PTPRA: variants seen among roughly 807,000 people sequenced by gnomAD.
PTPRA encodes the protein protein tyrosine phosphatase receptor type A, also known as receptor-type tyrosine-protein phosphatase alpha.
In PTPRA, 25 loss-of-function variants were observed where a neutral mutation model predicts 104.8. That is an observed-to-expected ratio of 0.24 (90% CI 0.17 to 0.33). The LOEUF is 0.33. Among genes scored for constraint, PTPRA ranks in the 10% least tolerant of loss-of-function variants. PTPRA has a pLI of 1.00. For missense variants in PTPRA, 765 were observed against 1,015.3 expected, an observed-to-expected ratio of 0.75 and a Z score of 3.35; for synonymous variants, 323 against 368.9, an observed-to-expected ratio of 0.88 and a Z score of 1.43.
chr20:2,955,257 ATTG>A (rs2061495611), intron 3 of PTPRA, among the ~76,000 whole-genome samples: 1 of 152,130 alleles, frequency 6.6e-6, no homozygotes, highest in Non-Finnish European at 1.5e-5. Flanking sequence ...AAATTTTCAT[ATTG>A]TTCTTTGTGT....
intron 9 of PTPRA, among the ~76,000 whole-genome samples, chr20:2,995,597 T>C (rs2063366715): frequency 6.6e-6 from 1 of 152,224 alleles, no homozygotes; most frequent in Non-Finnish European, 1.5e-5. Flanking sequence ...TCCTCTCTTT[T>C]ATCATCATTT....
At chr20:2,926,935 C>T (rs1484953434) in intron 2 of PTPRA, among the ~76,000 whole-genome samples, 1 of 151,882 alleles carries the variant, frequency 6.6e-6, no homozygotes, top group African/African-American at 2.4e-5. Flanking sequence ...GGATTACAGG[C>T]ACCCGCCACC....
At chr20:3,015,937 G>C in intron 12 of PTPRA, 52 bp downstream of exon 12, 2 of 1,514,860 alleles carry the variant, frequency 1.3e-6, no homozygotes, top group Non-Finnish European at 1.8e-6. Flanking sequence ...TCACATAATG[G>C]GTTTGGTTTT....
chr20:2,929,465 T>G (rs2147483086), intron 2 of PTPRA, among the ~76,000 whole-genome samples: 1 of 152,316 alleles, frequency 6.6e-6, no homozygotes, highest in South Asian at 2.1e-4. Flanking sequence ...GTGTGGTCAT[T>G]AATGAGAGTG....
At chr20:3,017,772 T>C in intron 12 of PTPRA, 44 bp from the exon 13 acceptor site, 1 of 1,545,784 alleles carries the variant, frequency 6.5e-7, no homozygotes, top group Non-Finnish European at 8.9e-7. Context: ...AGCATCTTTC[T>C]TCTTGGTGTA....
chr20:3,016,234 C>T (rs1012821112), intron 12 of PTPRA, among the ~76,000 whole-genome samples: 2 of 152,152 alleles, frequency 1.3e-5, no homozygotes, highest in African/African-American at 4.8e-5. Context: ...AATCAGTTTC[C>T]AGAGAGGATC....
chr20:3,008,745 C>CAAAAAAAAAAAAAAAAAAAAAAA, intron 11 of PTPRA, among the ~76,000 whole-genome samples: 1 of 99,364 alleles, frequency 1.0e-5, no homozygotes, highest in Non-Finnish European at 2.0e-5. Context: ...AAAAAAAAAA[C>CAAAAAAAAAAAAAAAAAAAAAAA]AAAAAAAAAA....
intron 11 of PTPRA, among the ~76,000 whole-genome samples, chr20:3,014,946 T>G (rs2064361144): frequency 6.6e-6 from 1 of 152,210 alleles, no homozygotes; most frequent in African/African-American, 2.4e-5. Context: ...TGCGGCCAGT[T>G]GTTAGTTTTT....
chr20:2,945,011 A>G (rs140709736), intron 2 of PTPRA, among the ~76,000 whole-genome samples: 77 of 152,142 alleles, frequency 5.1e-4, no homozygotes, highest in Non-Finnish European at 1.0e-3. Context: ...ATTTCATTGT[A>G]TCCTTTATAC....
intron 3 of PTPRA, among the ~76,000 whole-genome samples, chr20:2,951,078 T>G (rs998869111): frequency 2.0e-5 from 3 of 151,774 alleles, no homozygotes; most frequent in Non-Finnish European, 4.4e-5. Flanking sequence ...AACCATGTGT[T>G]TGTTTGTTTG....
At chr20:2,995,940 A>G (rs1253212157) in intron 9 of PTPRA, among the ~76,000 whole-genome samples, 1 of 152,196 alleles carries the variant, frequency 6.6e-6, no homozygotes, top group African/African-American at 2.4e-5. Flanking sequence ...GCAAGCAATA[A>G]CTAAAATAGT....
At chr20:2,922,239 T>G (rs2060123438) in intron 1 of PTPRA, among the ~76,000 whole-genome samples, 1 of 152,204 alleles carries the variant, frequency 6.6e-6, no homozygotes. Context: ...CTTTGTTCTG[T>G]GGCTCCTGGA....
chr20:2,920,168 G>T (rs1477699754), intron 1 of PTPRA, among the ~76,000 whole-genome samples: 3 of 152,178 alleles, frequency 2.0e-5, no homozygotes, highest in Non-Finnish European at 4.4e-5. Flanking sequence ...AACAGATACA[G>T]GAGAAGATAA....
chr20:2,945,958 A>G (rs2061114596), intron 2 of PTPRA, among the ~76,000 whole-genome samples: 1 of 151,892 alleles, frequency 6.6e-6, no homozygotes, highest in Non-Finnish European at 1.5e-5. Context: ...GTATATATAT[A>G]TATCTATATC....
At chr20:2,943,215 C>CA (rs1000838214) in intron 2 of PTPRA, among the ~76,000 whole-genome samples, 3 of 139,356 alleles carry the variant, frequency 2.2e-5, no homozygotes, top group South Asian at 2.6e-4. Context: ...ATCCCCCCAC[C>CA]CCCCCCCCAG....
intron 1 of PTPRA, among the ~76,000 whole-genome samples, chr20:2,905,103 C>T (rs1052868006): frequency 2.6e-5 from 4 of 152,088 alleles, no homozygotes; most frequent in Non-Finnish European, 5.9e-5. Flanking sequence ...AACCCTACTG[C>T]GAACTGTACA....
chr20:2,897,974 G>A (rs1007526192), intron 1 of PTPRA, among the ~76,000 whole-genome samples: 1 of 145,570 alleles, frequency 6.9e-6, no homozygotes, highest in African/African-American at 2.6e-5. Flanking sequence ...GTGCAATGGC[G>A]TGCTCTTTGT....
At chr20:2,974,323 C>T (rs1044977703) in intron 5 of PTPRA, among the ~76,000 whole-genome samples, 3 of 151,992 alleles carry the variant, frequency 2.0e-5, no homozygotes, top group Non-Finnish European at 2.9e-5. Flanking sequence ...GATCTTGGGT[C>T]ACTGCAACCT....
chr20:3,000,507 C>A (rs1174017375), intron 9 of PTPRA, among the ~76,000 whole-genome samples: 1 of 152,198 alleles, frequency 6.6e-6, no homozygotes, highest in Admixed American at 6.5e-5. Context: ...AGTACAACTT[C>A]TTTGAAAAAC....
Sources: allele counts gnomAD v4.1 joint callset (sites outside exome capture counted in the v4.1 genomes callset), GRCh38; gene constraint gnomAD v4.1.1; transcripts MANE v1.5; gene names NCBI Gene and HGNC (gene_info 2026-07-23, HGNC 2026-07-21).